Variants in GIGYF2 observed in about 807,000 individuals in gnomAD.
The protein encoded by GIGYF2 is GRB10 interacting GYF protein 2.
Under a neutral mutation model 208.1 loss-of-function variants are expected in GIGYF2, and 25 were observed. The ratio of observed to expected loss-of-function variants is 0.12; its 90% CI spans 0.09 to 0.17. The LOEUF is 0.17. Ranked by LOEUF, GIGYF2 falls within the 10% of genes least tolerant of loss-of-function variation. The pLI is 1.00. For missense variants in GIGYF2, 1,302 were observed against 1,579.4 expected (o/e 0.82, Z 2.98); for synonymous variants, 534 against 543.8 (o/e 0.98, Z 0.25).
intron 8 of GIGYF2, among the ~76,000 whole-genome samples, chr2:232,781,211 G>A (rs1252037447): frequency 2.0e-5 from 3 of 151,296 alleles, no homozygotes; most frequent in African/African-American, 7.3e-5. Flanking sequence ...TGCCCGCCTC[G>A]GCCTCTGAAA....
At chr2:232,856,610 T>C (rs1359280494) in intron 28 of GIGYF2, among the ~76,000 whole-genome samples, 183 bp from the exon 29 acceptor site, 1 of 152,134 alleles carries the variant, frequency 6.6e-6, no homozygotes, top group Non-Finnish European at 1.5e-5. Context: ...GAGAATCTCT[T>C]GAACCCAGGA....
chr2:232,709,948 A>G (rs1185164187), intron 2 of GIGYF2, among the ~76,000 whole-genome samples: 2 of 151,674 alleles, frequency 1.3e-5, no homozygotes, highest in Admixed American at 1.3e-4. Context: ...TGATTTTTAC[A>G]AAGTTATATA....
In GIGYF2 at chr2:232,809,621, T is replaced by G. The variant is rs1480802673; in HGVS notation, c.1807-99T>G. 5 of 770,342 alleles carry G rather than the reference T, an allele frequency of 6.5e-6. No individual in the cohort carries two copies. In the East Asian group the frequency reaches 1.2e-4, roughly 19 times the overall value. The allele number at this position is 770,342 out of a possible 1,614,324, so 47.7% of individuals were successfully genotyped here. On this transcript the variant is annotated intron_variant, in intron 15 of 28. Transcript: ENST00000373563. ...AAAGGGTAGAGCTGGGAGGTAAAGG[T>G]CTTAGATTCATTTTGATTTCAGATA... is the stretch of plus-strand genomic sequence containing the variant.
intron 18 of GIGYF2, among the ~76,000 whole-genome samples, chr2:232,814,566 C>T (rs888418588): frequency 2.5e-5 from 1 of 40,762 alleles, no homozygotes; most frequent in African/African-American, 1.2e-4. Flanking sequence ...CCACCTCAAA[C>T]CCCCCCCCCC....
At chr2:232,846,700 C>T (rs1702016277) in intron 26 of GIGYF2, among the ~76,000 whole-genome samples, 1 of 152,196 alleles carries the variant, frequency 6.6e-6, no homozygotes, top group African/African-American at 2.4e-5. Context: ...TTGGAGTTAA[C>T]ATGCAGCATC....
chr2:232,790,802 T>C lies in GIGYF2; in HGVS notation c.817T>C (p.Ser273Pro). 6.2e-7 allele frequency: 1 copy of C among 1,614,100 alleles called. No homozygotes were observed. The highest frequency in any genetic ancestry group is 2.2e-5 in the East Asian group (1 of 44,874). The change falls in exon 10 of 29, where the codon TCT becomes CCT. Residue 273 changes from serine to proline, a missense_variant. By Grantham distance (74) the Ser-to-Pro change is moderately conservative. Transcript: ENST00000373563. ...DDERGYRRVR[S>P]GSGSIDDDRD... ...TGAACGGGGTTACCGAAGGGTTCGC[T>C]CTGGCAGTGGGAGCATAGATGATGA...
At chr2:232,836,361 AATATAAATAT>A (rs1701630122) in intron 22 of GIGYF2, among the ~76,000 whole-genome samples, 1 of 65,256 alleles carries the variant, frequency 1.5e-5, no homozygotes, top group Admixed American at 2.6e-4. Flanking sequence ...TATATATATA[AATATAAATAT>A]ATATAAATAT....
At position 232,844,525 on chromosome 2, in the gene GIGYF2, G is replaced by A. The variant is rs963401842; in HGVS notation, c.3256G>A (p.Val1086Met). ...MGFWDDAVKEVGPRNSTNKNK... is the reference protein window; with the variant it reads ...MGFWDDAVKEMGPRNSTNKNK... The stretch of plus-strand genomic sequence containing the variant: ...ATTCTGGGATGATGCAGTGAAAGAG[G>A]TGGGACCTAGGAATTCAACAAATAA... The change falls in exon 25 of 29, where the codon GTG (valine) becomes ATG (methionine). Residue 1086 changes from valine (V) to methionine (M), a missense_variant. By Grantham distance (21) the Val-to-Met change is conservative (BLOSUM62 1). Coordinates refer to ENST00000373563, the MANE Select transcript of GIGYF2 (RefSeq NM_001103146.3). 6.2e-7 allele frequency: 1 copy of A among 1,614,014 alleles called. No individual in the cohort carries two copies. The highest frequency in any genetic ancestry group is 8.5e-7 in the Non-Finnish European group (1 of 1,179,908).
chr2:232,727,863 T>C (rs1697277486), intron 2 of GIGYF2, among the ~76,000 whole-genome samples: 1 of 152,224 alleles, frequency 6.6e-6, no homozygotes, highest in Non-Finnish European at 1.5e-5. Context: ...TCAAGCACCT[T>C]GCACTTACTT....
At chr2:232,842,772 G>A (rs115841931) in intron 23 of GIGYF2, among the ~76,000 whole-genome samples, 1,987 of 152,228 alleles carry the variant, frequency 0.013, 34 homozygotes, top group African/African-American at 0.045. Context: ...ACTTATAGGT[G>A]TGTTCTCTTG....
chr2:232,768,365 C>T, intron 8 of GIGYF2: 1 of 1,614,060 alleles, frequency 6.2e-7, no homozygotes, highest in Non-Finnish European at 8.5e-7. Flanking sequence ...AACCTCGGGT[C>T]AACAGAGATG....
Position 232,847,329 on chromosome 2 carries a change from C to A in GIGYF2, c.3461-19C>A. The A allele has an allele frequency of 6.2e-7, 1 of 1,608,248 alleles. No homozygotes were observed. Among genetic ancestry groups the A allele is most frequent in the Non-Finnish European group, 8.5e-7 (1 of 1,175,614 alleles). ...ATTATTTCATTGTTACCCTTATCTTCTCCCCTCCCGTTTTGCAGTTCCCAC... is the reference window on the plus strand; with the variant it reads ...ATTATTTCATTGTTACCCTTATCTTATCCCCTCCCGTTTTGCAGTTCCCAC... On this transcript the variant is annotated intron_variant, in intron 26 of 28. Transcript: ENST00000373563.
intron 3 of GIGYF2, among the ~76,000 whole-genome samples, chr2:232,744,311 T>TG (rs1292928770): frequency 2.0e-5 from 3 of 152,278 alleles, no homozygotes; most frequent in South Asian, 2.1e-4. Context: ...AAGGAGTCTT[T>TG]GGGGAGACAT....
Position 232,790,813 on chromosome 2 carries a change from G to A in GIGYF2, c.828G>A (p.Gly276=). The A allele has an allele frequency of 1.9e-6, 3 of 1,614,082 alleles. No homozygotes were observed. Among genetic ancestry groups the A allele is most frequent in the Non-Finnish European group, 1.7e-6 (2 of 1,179,962 alleles). The change falls in exon 10 of 29, where the codon GGG becomes GGA. Residue 276 remains glycine, a synonymous_variant. Transcript: ENST00000373563. ...RGYRRVRSGS[G]SIDDDRDSLP... ...ACCGAAGGGTTCGCTCTGGCAGTGG[G>A]AGCATAGATGATGACAGGGATAGCT...
intron 2 of GIGYF2, among the ~76,000 whole-genome samples, chr2:232,720,583 A>ATTTTTTTTT (rs1553605416): frequency 1.3e-4 from 19 of 144,946 alleles, no homozygotes; most frequent in South Asian, 4.7e-4. Context: ...ATATATATAT[A>ATTTTTTTTT]TTTTTGTTTG....
intron 3 of GIGYF2, among the ~76,000 whole-genome samples, chr2:232,741,897 A>G (rs924794630): frequency 1.3e-5 from 2 of 152,140 alleles, no homozygotes; most frequent in African/African-American, 4.8e-5. Flanking sequence ...TCTTAGTTTC[A>G]TGAAGGCTGG....
intron 2 of GIGYF2, among the ~76,000 whole-genome samples, chr2:232,706,733 T>C (rs886949940): frequency 2.0e-5 from 3 of 152,046 alleles, no homozygotes; most frequent in African/African-American, 4.8e-5. Flanking sequence ...TGAGCCGAGA[T>C]TGAGCCACTG....
intron 16 of GIGYF2, 146 bp from the exon 17 acceptor site, chr2:232,811,098 A>G: frequency 1.6e-6 from 1 of 629,478 alleles, no homozygotes; most frequent in Non-Finnish European, 2.8e-6. Context: ...GTCTATTATC[A>G]TAATGAAGAA....
chr2:232,819,751 C>G (rs1307021835), intron 20 of GIGYF2, 76 bp from the exon 21 acceptor site: 5 of 836,026 alleles, frequency 6.0e-6, no homozygotes, highest in Non-Finnish European at 6.2e-6. Flanking sequence ...CTATTACTTT[C>G]CAAATATGAC....
Sources: allele counts gnomAD v4.1 joint callset (sites outside exome capture counted in the v4.1 genomes callset), GRCh38; gene constraint gnomAD v4.1.1; transcripts MANE v1.5; gene names NCBI Gene and HGNC (gene_info 2026-07-23, HGNC 2026-07-21).